Variants in GRIK3 observed in about 807,000 individuals in gnomAD.
GRIK3 encodes glutamate receptor ionotropic, kainate 3.
A neutral mutation model predicts 102.5 loss-of-function variants in GRIK3; 29 were observed. That is an observed-to-expected ratio of 0.28 (90% CI 0.21 to 0.39). GRIK3 has a LOEUF of 0.39. Among genes scored for constraint, GRIK3 ranks in the 10% least tolerant of loss-of-function variants. The probability of loss-of-function intolerance (pLI) is 1.00; values close to 1 mark genes in which losing one functional copy is unlikely to be tolerated. For missense variants in GRIK3, 908 were observed against 1,252.4 expected (o/e 0.73, Z 4.15); for synonymous variants, 511 against 504.9 (o/e 1.01, Z -0.16).
At chr1:36,812,085 A>G (rs1316702544) in intron 13 of GRIK3, among the ~76,000 whole-genome samples, 1 of 152,050 alleles carries the variant, frequency 6.6e-6, no homozygotes, top group Non-Finnish European at 1.5e-5. Flanking sequence ...TGTATGTGAG[A>G]GAGGCCAGCA....
chr1:36,845,484 C>T (rs1640510142), intron 9 of GRIK3, among the ~76,000 whole-genome samples: 1 of 152,206 alleles, frequency 6.6e-6, no homozygotes, highest in South Asian at 2.1e-4. Flanking sequence ...TAAGCCTCTC[C>T]CAGTGTGACA....
intron 1 of GRIK3, among the ~76,000 whole-genome samples, chr1:36,985,540 G>A (rs1642295334): frequency 6.6e-6 from 1 of 152,162 alleles, no homozygotes; most frequent in Admixed American, 6.5e-5. Context: ...CCTGCCTCAG[G>A]TCCTTGTCCT....
intron 1 of GRIK3, among the ~76,000 whole-genome samples, chr1:37,026,304 C>A (rs1224762890): frequency 6.6e-6 from 1 of 152,148 alleles, no homozygotes; most frequent in Admixed American, 6.5e-5. Flanking sequence ...TCTGTTGCTC[C>A]CTATCACAGT....
intron 13 of GRIK3, among the ~76,000 whole-genome samples, chr1:36,815,297 G>A (rs1349329586): frequency 6.6e-6 from 1 of 152,148 alleles, no homozygotes; most frequent in Non-Finnish European, 1.5e-5. Flanking sequence ...CTCAAGGAGG[G>A]ACATGGTGGG....
At chr1:36,882,606 T>G (rs1640994029) in intron 2 of GRIK3, among the ~76,000 whole-genome samples, 1 of 152,180 alleles carries the variant, frequency 6.6e-6, no homozygotes, top group African/African-American at 2.4e-5. Context: ...CTCACTGACC[T>G]TCCTAGTTCA....
chr1:36,869,865 A>C (rs912237220), intron 4 of GRIK3, 64 bp from the exon 5 acceptor site: 14 of 1,196,426 alleles, frequency 1.2e-5, no homozygotes, highest in Non-Finnish European at 1.6e-5. Context: ...CCACATCCCC[A>C]CCCAGGGCTG....
At chr1:36,920,646 C>A (rs1641456833) in intron 1 of GRIK3, among the ~76,000 whole-genome samples, 1 of 152,192 alleles carries the variant, frequency 6.6e-6, no homozygotes, top group Non-Finnish European at 1.5e-5. Flanking sequence ...CATGCACCAG[C>A]TCCTGTGCTC....
At chr1:37,014,293 C>T (rs1028092844) in intron 1 of GRIK3, among the ~76,000 whole-genome samples, 1 of 152,146 alleles carries the variant, frequency 6.6e-6, no homozygotes, top group Non-Finnish European at 1.5e-5. Flanking sequence ...TAGGAATGTG[C>T]CTGGCACATA....
intron 10 of GRIK3, among the ~76,000 whole-genome samples, chr1:36,826,545 G>A (rs924143842): frequency 1.3e-5 from 2 of 152,128 alleles, no homozygotes; most frequent in African/African-American, 2.4e-5. Context: ...GCACGTGCCT[G>A]TAGTCCCAGC....
At chr1:37,033,947 G>GC (rs1642858298) in intron 1 of GRIK3, 47 bp downstream of exon 1, 1 of 1,117,562 alleles carries the variant, frequency 8.9e-7, no homozygotes, top group Non-Finnish European at 1.3e-6. Flanking sequence ...CCTCATTCCC[G>GC]CCCCCTCCCG....
rs781757617 is a variant in GRIK3, at chr1:36,804,973, G to GCT, written c.2565+12_2565+13dup. 7 of 1,613,868 alleles carry GCT rather than the reference G, an allele frequency of 4.3e-6. No homozygotes were observed. The highest frequency in any genetic ancestry group is 1.3e-5 in the African/African-American group (1 of 75,048). On this transcript the variant is annotated intron_variant, in intron 15 of 15. Transcript: ENST00000373091. ...ATTTCCCATCCTGTGCAGGCTCCAA[G>GCT]CTCTAAGGCTTACCTGCTCTCTCTC... is the stretch of plus-strand genomic sequence containing the variant.
chr1:36,965,576 G>A (rs183473576), intron 1 of GRIK3, among the ~76,000 whole-genome samples: 39 of 152,184 alleles, frequency 2.6e-4, no homozygotes, highest in Admixed American at 2.6e-3. Flanking sequence ...AGGTCCCAGG[G>A]GAATGTGATT....
chr1:36,933,179 C>T (rs1024786162), intron 1 of GRIK3, among the ~76,000 whole-genome samples: 1 of 152,328 alleles, frequency 6.6e-6, no homozygotes, highest in East Asian at 1.9e-4. Flanking sequence ...GCAGGCTACA[C>T]GGGCCAGGTG....
chr1:36,796,835 G>A lies in GRIK3; in HGVS notation c.*5016C>T, dbSNP rs1219357166. On this transcript the variant is annotated 3_prime_UTR_variant, in exon 16 of 16. Transcript: ENST00000373091. ...CCTGTGATTCTGCAGGCAGGTGTGA[G>A]AACAGGCCTGGGGAGTGGCCTGCTC... The A allele has an allele frequency of 1.3e-5, 2 of 152,154 alleles. No homozygotes were observed. The highest frequency in any genetic ancestry group is 2.9e-5 in the Non-Finnish European group (2 of 68,020). The allele number at this position is 152,154 out of a possible 1,614,324, so 9.4% of individuals were successfully genotyped here.
Position 36,872,059 on chromosome 1 carries a change from A to G in GRIK3, c.732+129T>C. On this transcript the variant is annotated intron_variant, in intron 4 of 15. Transcript: ENST00000373091. The surrounding 1 kb of genome is among the most constrained non-coding windows in gnomAD (Gnocchi z 5.9). ...AGAGGCAAACCACCCAAGGTCACAC[A>G]GCAGGAAAGTGGCAGAGCTAGGAGT... 1 of 851,596 alleles carries G rather than the reference A, an allele frequency of 1.2e-6. No homozygotes were observed. Among genetic ancestry groups the G allele is most frequent in the African/African-American group, 1.7e-5 (1 of 58,430 alleles). The allele number at this position is 851,596 out of a possible 1,614,324, so 52.8% of individuals were successfully genotyped here. A position where few individuals can be genotyped will look rare whatever the true frequency, so the allele number is the denominator to read the frequency against.
Position 36,815,466 on chromosome 1 carries a change from A to G in GRIK3, c.2091+1594T>C, listed in dbSNP as rs999139407. Among the ~76,000 whole-genome samples the G allele has an allele frequency of 2.8e-4, 43 of 152,310 alleles. No homozygotes were observed. In the Middle Eastern group the frequency reaches 0.01, roughly 36 times the overall value. ...AGCCTAGGAGGAGGCAGCGGCTGGG[A>G]GATGGGGAATTAGAGCCCAGAGGAA... On this transcript the variant is annotated intron_variant, in intron 13 of 15. Transcript: ENST00000373091.
intron 1 of GRIK3, among the ~76,000 whole-genome samples, chr1:36,923,373 A>C (rs908148107): frequency 1.3e-5 from 2 of 152,172 alleles, no homozygotes; most frequent in Non-Finnish European, 2.9e-5. Flanking sequence ...TGGAACAGGG[A>C]AAGGGCAGGG....
intron 3 of GRIK3, among the ~76,000 whole-genome samples, chr1:36,876,208 C>A (rs917941604): frequency 1.1e-4 from 17 of 152,164 alleles, no homozygotes; most frequent in African/African-American, 4.1e-4. Context: ...AAATTTAAAA[C>A]TTAGCAGGGC....
In GRIK3 at chr1:36,976,857, A is replaced by G. The variant is rs567212674; in HGVS notation, c.115+57137T>C. Among the ~76,000 whole-genome samples the G allele has an allele frequency of 1.3e-4, 20 of 152,108 alleles. No individual in the cohort carries two copies. The South Asian group carries it at 3.7e-3, about 28-fold the overall frequency. ...GGGCTGATCGATCCCCTCCCCAGTC[A>G]CCCACACTTCTGAAACACATCCCTC... On this transcript the variant is annotated intron_variant, in intron 1 of 15. Transcript: ENST00000373091.
Sources: allele counts gnomAD v4.1 joint callset (sites outside exome capture counted in the v4.1 genomes callset), GRCh38; gene constraint gnomAD v4.1.1; non-coding constraint Gnocchi (gnomAD v3.1); transcripts MANE v1.5; gene names NCBI Gene and HGNC (gene_info 2026-07-23, HGNC 2026-07-21).